FRMD5: variants seen among roughly 807,000 people sequenced by gnomAD.
FRMD5 encodes FERM domain-containing protein 5.
In FRMD5, 20 loss-of-function variants were observed where a neutral mutation model predicts 69.0. That is an observed-to-expected ratio of 0.29 (90% CI 0.20 to 0.42). FRMD5 has a LOEUF of 0.42. Ranked by LOEUF, FRMD5 falls within the 10% of genes least tolerant of loss-of-function variation. The pLI is 1.00. For synonymous variants in FRMD5, 271 were observed against 260.1 expected, an observed-to-expected ratio of 1.04 and a Z score of -0.40; for missense variants, 595 against 708.6, an observed-to-expected ratio of 0.84 and a Z score of 1.82.
At chr15:44,157,459 T>C (rs2077546338) in intron 1 of FRMD5, among the ~76,000 whole-genome samples, 1 of 152,220 alleles carries the variant, frequency 6.6e-6, no homozygotes, top group African/African-American at 2.4e-5. Context: ...AGTACCACTG[T>C]AGTATCCTAC....
intron 1 of FRMD5, among the ~76,000 whole-genome samples, chr15:44,116,955 G>A (rs2076877447): frequency 6.7e-6 from 1 of 148,680 alleles, no homozygotes; most frequent in Non-Finnish European, 1.5e-5. Flanking sequence ...GGTGGCGTGG[G>A]CCTGTAATCC....
At chr15:44,045,758 T>C (rs2140330062) in intron 1 of FRMD5, among the ~76,000 whole-genome samples, 1 of 152,304 alleles carries the variant, frequency 6.6e-6, no homozygotes, top group East Asian at 1.9e-4. Context: ...AATGTAGTAT[T>C]TGTCACCCAT....
chr15:44,131,933 T>C (rs1177777680), intron 1 of FRMD5, among the ~76,000 whole-genome samples: 3 of 152,206 alleles, frequency 2.0e-5, no homozygotes, highest in African/African-American at 7.2e-5. Flanking sequence ...TATTGTGCAC[T>C]TTATTTCTAT....
At chr15:43,914,224 G>T (rs1419289495) in intron 4 of FRMD5, among the ~76,000 whole-genome samples, 1 of 152,202 alleles carries the variant, frequency 6.6e-6, no homozygotes, top group Non-Finnish European at 1.5e-5. Flanking sequence ...GTTTAAGGCT[G>T]TGAACTCTGG....
At chr15:44,146,580 C>T (rs1003766768) in intron 1 of FRMD5, among the ~76,000 whole-genome samples, 9 of 152,126 alleles carry the variant, frequency 5.9e-5, no homozygotes, top group African/African-American at 2.2e-4. Context: ...CACTGTCTTC[C>T]ACAATGGTTG....
At chr15:44,016,707 A>G (rs7176955) in intron 1 of FRMD5, among the ~76,000 whole-genome samples, 133,147 of 151,886 alleles carry the variant, frequency 0.88, 59,526 homozygotes, top group East Asian at 1. Flanking sequence ...TGGGCAAAAT[A>G]GTGAGACTCC....
intron 1 of FRMD5, among the ~76,000 whole-genome samples, chr15:44,192,784 T>C (rs1295992434): frequency 6.6e-6 from 1 of 152,238 alleles, no homozygotes; most frequent in Admixed American, 6.5e-5. Context: ...CAACATTACA[T>C]ATACTTAACA....
At position 44,034,443 on chromosome 15, in the gene FRMD5, A is replaced by T. The variant is rs2140294092; in HGVS notation, c.103-110134T>A. ...GTTCACTTGGTCTACACTTGGGTTC[A>T]CGGACTTCTAAATGCTGGGAAACAA... On this transcript the variant is annotated intron_variant, in intron 1 of 13. Coordinates refer to ENST00000417257, the MANE Select transcript of FRMD5 (RefSeq NM_032892.5). 2.6e-5 allele frequency among the ~76,000 whole-genome samples: 4 copies of T among 152,336 alleles called. No homozygotes were observed. In the Middle Eastern group the frequency reaches 0.01, roughly 389 times the overall value.
At position 44,024,992 on chromosome 15, in the gene FRMD5, T is replaced by C. The variant is rs199926225; in HGVS notation, c.103-100683A>G. Among the ~76,000 whole-genome samples the C allele has an allele frequency of 7.2e-5, 11 of 152,320 alleles. No individual in the cohort carries two copies. The East Asian group carries it at 2.1e-3, about 29-fold the overall frequency. Reference sequence around the variant, plus strand: ...CAGATTTGCTTTTAAATCTCAACTTTACCAAACTAGCTGTATGAATTTGGC... The same window carrying C: ...CAGATTTGCTTTTAAATCTCAACTTCACCAAACTAGCTGTATGAATTTGGC... On this transcript the variant is annotated intron_variant, in intron 1 of 13. Coordinates refer to ENST00000417257, the MANE Select transcript of FRMD5 (RefSeq NM_032892.5).
intron 1 of FRMD5, among the ~76,000 whole-genome samples, chr15:44,096,036 A>G (rs2076547062): frequency 6.6e-6 from 1 of 151,878 alleles, no homozygotes; most frequent in Admixed American, 6.6e-5. Flanking sequence ...GAGAAACCCC[A>G]TCTCTCCTAA....
intron 1 of FRMD5, among the ~76,000 whole-genome samples, chr15:44,148,841 G>T (rs2077399431): frequency 6.6e-6 from 1 of 152,078 alleles, no homozygotes; most frequent in Admixed American, 6.5e-5. Flanking sequence ...CAGTGGTTTA[G>T]AACCAAATCC....
chr15:43,955,379 A>T (rs1305809644), intron 1 of FRMD5, among the ~76,000 whole-genome samples: 2 of 152,228 alleles, frequency 1.3e-5, no homozygotes, highest in African/African-American at 2.4e-5. Context: ...GACCAAGGGC[A>T]AGTCACCTGC....
At chr15:44,107,836 A>T (rs1295779211) in intron 1 of FRMD5, among the ~76,000 whole-genome samples, 1 of 152,208 alleles carries the variant, frequency 6.6e-6, no homozygotes, top group Non-Finnish European at 1.5e-5. Context: ...AGATGATTTA[A>T]ATTACTTCTT....
At chr15:44,190,280 T>A (rs1424765856) in intron 1 of FRMD5, among the ~76,000 whole-genome samples, 1 of 152,200 alleles carries the variant, frequency 6.6e-6, no homozygotes, top group Non-Finnish European at 1.5e-5. Flanking sequence ...CATGGTCCAC[T>A]TCCTCTTGGA....
At chr15:44,189,152 A>T (rs2078152109) in intron 1 of FRMD5, among the ~76,000 whole-genome samples, 1 of 152,210 alleles carries the variant, frequency 6.6e-6, no homozygotes, top group African/African-American at 2.4e-5. Flanking sequence ...GGGGAATTTG[A>T]ACCTAAGAGT....
intron 1 of FRMD5, among the ~76,000 whole-genome samples, chr15:44,100,025 G>A (rs966624041): frequency 3.4e-5 from 5 of 147,872 alleles, no homozygotes; most frequent in African/African-American, 1.2e-4. Flanking sequence ...CATCCTGACT[G>A]TATCTAATAG....
intron 1 of FRMD5, among the ~76,000 whole-genome samples, chr15:44,166,805 A>AAG (rs2077717692): frequency 6.6e-6 from 1 of 151,108 alleles, no homozygotes; most frequent in African/African-American, 2.4e-5. Flanking sequence ...AAAAAAAAAA[A>AAG]AAGAAGAAAG....
intron 1 of FRMD5, chr15:43,990,057 G>A (rs572966140): frequency 8.2e-6 from 6 of 735,746 alleles, no homozygotes; most frequent in East Asian, 2.9e-5. Context: ...CCACCGTCAC[G>A]CCCTGGTGTC....
Position 43,873,623 on chromosome 15 carries a change from T to C in FRMD5, c.*262A>G. On this transcript the variant is annotated 3_prime_UTR_variant, in exon 14 of 14. Transcript: ENST00000417257. ...TCAAAACCAAAAATTATCCTGCAAA[T>C]TGGAAAGATGAGAAACAGAGTCGCT... The C allele has an allele frequency of 6.8e-7, 1 of 1,465,760 alleles. No individual in the cohort carries two copies. Among genetic ancestry groups the C allele is most frequent in the Non-Finnish European group, 8.9e-7 (1 of 1,118,858 alleles). 90.8% of individuals were successfully genotyped at this position (1,465,760 alleles called of 1,614,324 possible). A position where few individuals can be genotyped will look rare whatever the true frequency, so the allele number is the denominator to read the frequency against.
Sources: allele counts gnomAD v4.1 joint callset (sites outside exome capture counted in the v4.1 genomes callset), GRCh38; gene constraint gnomAD v4.1.1; transcripts MANE v1.5; gene names NCBI Gene and HGNC (gene_info 2026-07-23, HGNC 2026-07-21).